Variants in ASTN2 observed in about 807,000 individuals in gnomAD.
ASTN2 encodes the protein astrotactin-2.
A neutral mutation model predicts 139.8 loss-of-function variants in ASTN2; 54 were observed. The ratio of observed to expected loss-of-function variants is 0.39; its 90% confidence interval spans 0.31 to 0.48. The LOEUF (loss-of-function observed/expected upper bound fraction) is 0.48. Ranked by LOEUF, ASTN2 falls within the 20% of genes least tolerant of loss-of-function variation. ASTN2 has a pLI of 0.95. For synonymous variants in ASTN2, 756 were observed against 719.5 expected, an observed-to-expected ratio of 1.05 and a Z score of -0.81; for missense variants, 1,565 against 1,725.1, an observed-to-expected ratio of 0.91 and a Z score of 1.64.
chr9:117,324,672 T>C (rs960031975), intron 1 of ASTN2, among the ~76,000 whole-genome samples: 5 of 151,804 alleles, frequency 3.3e-5, no homozygotes, highest in African/African-American at 4.8e-5. Flanking sequence ...TTCAAAAAAC[T>C]AGAAAAAAAA....
At chr9:116,511,104 T>G (rs575529040) in intron 19 of ASTN2, among the ~76,000 whole-genome samples, 8 of 152,068 alleles carry the variant, frequency 5.3e-5, no homozygotes, top group Admixed American at 2.0e-4. Context: ...AATGCTTCCA[T>G]TTTTTGCCCA....
At chr9:117,210,904 A>G (rs1456175085) in intron 3 of ASTN2, among the ~76,000 whole-genome samples, 8 of 152,066 alleles carry the variant, frequency 5.3e-5, no homozygotes, top group Non-Finnish European at 1.2e-4. Flanking sequence ...ATGCAAATCA[A>G]TAAACATATT....
At chr9:117,398,844 C>T (rs778746100) in intron 1 of ASTN2, among the ~76,000 whole-genome samples, 5 of 152,168 alleles carry the variant, frequency 3.3e-5, no homozygotes, top group Admixed American at 2.0e-4. Flanking sequence ...TGCAGTGGCA[C>T]GATCTTGGCT....
chr9:117,344,294 CA>C (rs1829149266), intron 1 of ASTN2, among the ~76,000 whole-genome samples: 1 of 152,150 alleles, frequency 6.6e-6, no homozygotes, highest in South Asian at 2.1e-4. Context: ...ATGAATCCTG[CA>C]GGCAGGTTTG....
intron 1 of ASTN2, 132 bp from the exon 2 acceptor site, chr9:117,291,645 G>A: frequency 1.4e-6 from 1 of 689,806 alleles, no homozygotes; most frequent in South Asian, 1.9e-5. Flanking sequence ...CTCACATCAA[G>A]TCTATGAGAT....
In ASTN2 at chr9:117,048,963, C is replaced by CTTTTTTTTTTTT. The variant is rs372277811; in HGVS notation, c.1277-9010_1277-8999dup. The stretch of plus-strand genomic sequence containing the variant: ...GTGCGCTCTGATTCTTCATCCATTG[C>CTTTTTTTTTTTT]TTTTTTTTTTTTTTTTTGAGACGGA... On this transcript the variant is annotated intron_variant, in intron 5 of 22. Coordinates refer to ENST00000313400, the MANE Select transcript of ASTN2 (RefSeq NM_001365068.1). 7.4e-3 allele frequency among the ~76,000 whole-genome samples: 659 copies of CTTTTTTTTTTTT among 88,964 alleles called. 78 individuals are homozygous for CTTTTTTTTTTTT. Among genetic ancestry groups the CTTTTTTTTTTTT allele is most frequent in the African/African-American group, 0.013 (328 of 24,964 alleles). 58.4% of individuals were successfully genotyped at this position (88,964 alleles called of 152,430 possible).
intron 19 of ASTN2, among the ~76,000 whole-genome samples, chr9:116,528,907 GC>G (rs1188050428): frequency 6.6e-6 from 1 of 152,152 alleles, no homozygotes; most frequent in Non-Finnish European, 1.5e-5. Context: ...GTGAGCTTCT[GC>G]CTAGACTTCA....
chr9:116,428,247 C>A (rs536216970), intron 22 of ASTN2, among the ~76,000 whole-genome samples: 4 of 152,128 alleles, frequency 2.6e-5, no homozygotes, highest in Non-Finnish European at 5.9e-5. Flanking sequence ...AAAAGGTGGC[C>A]GGGCACGGCG....
At chr9:117,186,769 T>C (rs934450688) in intron 3 of ASTN2, among the ~76,000 whole-genome samples, 1 of 152,122 alleles carries the variant, frequency 6.6e-6, no homozygotes, top group Non-Finnish European at 1.5e-5. Context: ...GCAGACAGCA[T>C]GGGACAAAAC....
intron 19 of ASTN2, among the ~76,000 whole-genome samples, chr9:116,595,621 G>A (rs1446892734): frequency 4.6e-5 from 7 of 151,944 alleles, no homozygotes; most frequent in Admixed American, 2.0e-4. Context: ...CACCGCGCCC[G>A]GCCACTCTTG....
intron 19 of ASTN2, among the ~76,000 whole-genome samples, chr9:116,545,472 T>C (rs912912790): frequency 2.0e-5 from 3 of 152,198 alleles, no homozygotes; most frequent in African/African-American, 7.2e-5. Context: ...ACCTTACACA[T>C]ATATCCCACA....
chr9:116,501,035 T>G (rs1849835760), intron 19 of ASTN2, among the ~76,000 whole-genome samples: 1 of 152,140 alleles, frequency 6.6e-6, no homozygotes, highest in Admixed American at 6.6e-5. Context: ...CCCTCCCTTT[T>G]CTAAATATAC....
intron 11 of ASTN2, among the ~76,000 whole-genome samples, chr9:116,839,443 G>A (rs935868098): frequency 1.3e-5 from 2 of 151,826 alleles, no homozygotes; most frequent in Admixed American, 6.6e-5. Context: ...AACCAGCACC[G>A]TGATCCAATA....
chr9:116,722,679 A>C (rs984897915), intron 16 of ASTN2, among the ~76,000 whole-genome samples: 2 of 152,128 alleles, frequency 1.3e-5, no homozygotes, highest in African/African-American at 4.8e-5. Context: ...GGTAGATGGG[A>C]AGATCACAGG....
intron 13 of ASTN2, among the ~76,000 whole-genome samples, chr9:116,785,776 C>A (rs1830357425): frequency 1.3e-5 from 2 of 152,154 alleles, no homozygotes; most frequent in South Asian, 4.1e-4. Flanking sequence ...TCTGAACATG[C>A]TCCAATCCAC....
rs1264261580 is a variant in ASTN2 at position 117,266,166 on chromosome 9, C to A, written c.630+25160G>T. Reference sequence around the variant, plus strand: ...ATAATTAAGATATTGTAGAACCTCACTAAGGATTCAAGCTGCTCTAAATGA... The same window carrying A: ...ATAATTAAGATATTGTAGAACCTCAATAAGGATTCAAGCTGCTCTAAATGA... On this transcript the variant is annotated intron_variant, in intron 2 of 22. Transcript: ENST00000313400. Among the ~76,000 whole-genome samples, 4 of 152,148 alleles carry A rather than the reference C, an allele frequency of 2.6e-5. No individual in the cohort carries two copies. The East Asian group carries it at 7.7e-4, about 29-fold the overall frequency.
chr9:116,585,241 C>T (rs1449393910), intron 19 of ASTN2: 1 of 152,166 alleles, frequency 6.6e-6, no homozygotes. Flanking sequence ...AGTGATTTCT[C>T]CTGACAGAGC....
intron 3 of ASTN2, among the ~76,000 whole-genome samples, chr9:117,151,213 T>C (rs10759904): frequency 0.13 from 19,596 of 152,028 alleles, 1,558 homozygotes; most frequent in Non-Finnish European, 0.18. Context: ...ATTAGTCATA[T>C]AGTCATAGCA....
intron 10 of ASTN2, among the ~76,000 whole-genome samples, chr9:116,910,586 C>T (rs1439146918): frequency 1.3e-5 from 2 of 152,120 alleles, no homozygotes; most frequent in South Asian, 2.1e-4. Flanking sequence ...TGGCTGGGGC[C>T]GGAAGTGGAG....
Sources: allele counts gnomAD v4.1 joint callset (sites outside exome capture counted in the v4.1 genomes callset), GRCh38; gene constraint gnomAD v4.1.1; transcripts MANE v1.5; gene names NCBI Gene and HGNC (gene_info 2026-07-23, HGNC 2026-07-21).